GPC6: variants seen among roughly 807,000 people sequenced by gnomAD.
GPC6 encodes the protein glypican 6, also known as glypican-6.
GPC6 carries 14 observed loss-of-function variants against 55.2 expected under a neutral mutation model. The observed-to-expected ratio is 0.25, with a 90% CI of 0.17 to 0.40. The LOEUF is 0.40. Among genes scored for constraint, GPC6 ranks in the 10% least tolerant of loss-of-function variants. The pLI, the probability that GPC6 is intolerant of heterozygous loss-of-function variation, is 1.00. For synonymous variants in GPC6, 278 were observed against 259.6 expected, an observed-to-expected ratio of 1.07 and a Z score of -0.68; for missense variants, 641 against 708.5, an observed-to-expected ratio of 0.90 and a Z score of 1.08.
At chr13:93,369,967 C>T (rs1238999891) in intron 1 of GPC6, among the ~76,000 whole-genome samples, 1 of 151,994 alleles carries the variant, frequency 6.6e-6, no homozygotes, top group Non-Finnish European at 1.5e-5. Flanking sequence ...TTTTAAAATG[C>T]CAATAGACAT....
intron 3 of GPC6, among the ~76,000 whole-genome samples, chr13:93,947,524 A>G (rs1879065997): frequency 6.6e-6 from 1 of 152,230 alleles, no homozygotes; most frequent in South Asian, 2.1e-4. Context: ...AAAATTTATC[A>G]ACATGAACAG....
At chr13:94,268,808 A>G (rs1054434140) in intron 4 of GPC6, among the ~76,000 whole-genome samples, 2 of 152,156 alleles carry the variant, frequency 1.3e-5, no homozygotes, top group Non-Finnish European at 2.9e-5. Context: ...TCACTGAAGA[A>G]CATCTCTCAT....
chr13:93,549,240 A>G (rs1466450219), intron 2 of GPC6, among the ~76,000 whole-genome samples: 2 of 152,200 alleles, frequency 1.3e-5, no homozygotes, highest in East Asian at 1.9e-4. Flanking sequence ...ACCCCAGGCA[A>G]CAATAAACAA....
intron 1 of GPC6, among the ~76,000 whole-genome samples, chr13:93,368,758 G>T (rs1566320951): frequency 6.6e-6 from 1 of 152,048 alleles, no homozygotes; most frequent in Non-Finnish European, 1.5e-5. Context: ...AGTTAGCAAA[G>T]CATCCAAAAC....
intron 2 of GPC6, among the ~76,000 whole-genome samples, chr13:93,628,391 G>A (rs1195784275): frequency 1.3e-5 from 2 of 152,152 alleles, no homozygotes; most frequent in African/African-American, 4.8e-5. Context: ...GCCCATATGT[G>A]CATTGCCTAT....
chr13:94,016,894 G>A (rs923057817), intron 3 of GPC6, among the ~76,000 whole-genome samples: 2 of 151,772 alleles, frequency 1.3e-5, no homozygotes, highest in Admixed American at 1.3e-4. Flanking sequence ...GAGTGCAATG[G>A]TGCGATCTCA....
intron 2 of GPC6, among the ~76,000 whole-genome samples, chr13:93,694,982 C>T (rs1453083033): frequency 1.3e-5 from 2 of 152,060 alleles, no homozygotes; most frequent in Non-Finnish European, 2.9e-5. Flanking sequence ...TAATCATAAA[C>T]TTCCTCTTTA....
At position 93,483,652 on chromosome 13, in the gene GPC6, G is replaced by C. The variant is rs905117375; in HGVS notation, c.161-61611G>C. On this transcript the variant is annotated intron_variant, in intron 1 of 8. Transcript: ENST00000377047. ...AAATGTGATAGCATATATGTTTGTAGTGTAATTTAGTAATAAAAAGAGCCC... is the reference window on the plus strand; with the variant it reads ...AAATGTGATAGCATATATGTTTGTACTGTAATTTAGTAATAAAAAGAGCCC... 2.6e-5 allele frequency among the ~76,000 whole-genome samples: 4 copies of C among 152,104 alleles called. No individual in the cohort carries two copies. In the South Asian group the frequency reaches 6.2e-4, roughly 24 times the overall value.
the GPC6 span, among the ~76,000 whole-genome samples, chr13:93,218,144 A>G: frequency 6.7e-6 from 1 of 148,294 alleles, no homozygotes; most frequent in Non-Finnish European, 1.5e-5. Context: ...AAGTAACTTA[A>G]AAAATATGCA....
At chr13:94,321,062 C>T (rs1876798865) in intron 6 of GPC6, among the ~76,000 whole-genome samples, 1 of 152,196 alleles carries the variant, frequency 6.6e-6, no homozygotes, top group East Asian at 1.9e-4. Context: ...TCTTCGCCTT[C>T]CTCCATCTCG....
chr13:94,102,231 T>G (rs1885890512), intron 4 of GPC6, among the ~76,000 whole-genome samples: 1 of 152,156 alleles, frequency 6.6e-6, no homozygotes, highest in Admixed American at 6.6e-5. Context: ...TAATAAATAG[T>G]CTAGGTAAGC....
intron 1 of GPC6, among the ~76,000 whole-genome samples, chr13:93,245,075 G>T (rs1479150142): frequency 6.6e-6 from 1 of 152,178 alleles, no homozygotes; most frequent in East Asian, 1.9e-4. Flanking sequence ...GGCCAGTGAT[G>T]AACTGATTAG....
chr13:93,919,324 T>C (rs1877448484), intron 3 of GPC6, among the ~76,000 whole-genome samples: 1 of 152,198 alleles, frequency 6.6e-6, no homozygotes, highest in Non-Finnish European at 1.5e-5. Context: ...TAAGGAAGGA[T>C]AGGATTAGGC....
At chr13:93,690,456 T>C (rs1225422871) in intron 2 of GPC6, among the ~76,000 whole-genome samples, 1 of 151,998 alleles carries the variant, frequency 6.6e-6, no homozygotes, top group Admixed American at 6.6e-5. Context: ...TCCTGAAATA[T>C]ACCCCTTTAT....
chr13:93,661,482 T>C (rs1270198970), intron 2 of GPC6, among the ~76,000 whole-genome samples: 1 of 152,028 alleles, frequency 6.6e-6, no homozygotes, highest in African/African-American at 2.4e-5. Flanking sequence ...GGGATTGTGC[T>C]CGTGAGCCAC....
intron 2 of GPC6, among the ~76,000 whole-genome samples, chr13:93,614,341 G>A (rs537748265): frequency 8.4e-4 from 128 of 152,212 alleles, no homozygotes; most frequent in South Asian, 1.5e-3. Context: ...AAAGAATTCA[G>A]GTAAAGTTAA....
chr13:93,996,430 G>A (rs1490077027), intron 3 of GPC6, among the ~76,000 whole-genome samples: 2 of 152,002 alleles, frequency 1.3e-5, no homozygotes, highest in Non-Finnish European at 2.9e-5. Flanking sequence ...AAAACTTTTC[G>A]AGTGATGTAA....
chr13:93,846,665 T>A (rs2139005796), intron 3 of GPC6, among the ~76,000 whole-genome samples: 1 of 152,140 alleles, frequency 6.6e-6, no homozygotes, highest in Non-Finnish European at 1.5e-5. Context: ...TACAAAAAAA[T>A]TAGCCAGGCA....
At chr13:93,622,826 T>A (rs1296201474) in intron 2 of GPC6, among the ~76,000 whole-genome samples, 1 of 152,188 alleles carries the variant, frequency 6.6e-6, no homozygotes, top group Non-Finnish European at 1.5e-5. Context: ...TACAGTCACC[T>A]TACTGTGAAA....
Sources: gnomAD v4.1 joint callset for allele counts (sites outside exome capture counted in the v4.1 genomes callset) on GRCh38, gnomAD v4.1.1 for gene constraint, MANE v1.5 for transcripts, NCBI Gene and HGNC (gene_info 2026-07-23, HGNC 2026-07-21) for gene names.